CAST: variants seen among roughly 807,000 people sequenced by gnomAD.
CAST encodes MIR583 host.
A neutral mutation model predicts 119.6 loss-of-function variants in CAST; 76 were observed. The observed-to-expected ratio is 0.64, with a 90% confidence interval of 0.53 to 0.77. The LOEUF is 0.77. CAST is among the 30% of genes least tolerant of loss of function. The pLI is 0.00. For synonymous variants in CAST, 319 were observed against 331.6 expected (o/e 0.96, Z 0.41); for missense variants, 953 against 946.5 (o/e 1.01, Z -0.09).
At chr5:96,301,642 C>T in the CAST span, among the ~76,000 whole-genome samples, 51 of 152,178 alleles carry the variant, frequency 3.4e-4, no homozygotes, top group African/African-American at 1.0e-3. Context: ...AAAGGGGCTA[C>T]AGGCCCCATG....
the CAST span, among the ~76,000 whole-genome samples, chr5:96,030,226 G>A: frequency 1.3e-5 from 2 of 152,124 alleles, no homozygotes; most frequent in Non-Finnish European, 2.9e-5. Context: ...GAAACCAACA[G>A]CCTTACATAT....
the CAST span, among the ~76,000 whole-genome samples, chr5:96,350,689 T>C: frequency 1.3e-5 from 2 of 152,142 alleles, no homozygotes; most frequent in African/African-American, 4.8e-5. Flanking sequence ...CCGAGATTTA[T>C]TTTCTTTTCA....
the CAST span, chr5:96,425,685 C>A: frequency 1.5e-6 from 1 of 676,018 alleles, no homozygotes; most frequent in South Asian, 1.7e-5. Flanking sequence ...TCCCATCAGC[C>A]CTAATCTCCA....
chr5:96,753,909 C>T, intron 20 of CAST, 151 bp from the exon 21 acceptor site: 1 of 585,308 alleles, frequency 1.7e-6, no homozygotes, highest in East Asian at 2.8e-5. Flanking sequence ...GTTTTTTAAA[C>T]ATAGATTCTA....
the CAST span, among the ~76,000 whole-genome samples, chr5:96,123,630 G>T: frequency 6.6e-6 from 1 of 152,116 alleles, no homozygotes; most frequent in Non-Finnish European, 1.5e-5. Context: ...AACAGTTGCT[G>T]GTTCATTCCA....
intron 1 of CAST, among the ~76,000 whole-genome samples, chr5:96,551,024 C>G (rs1746116403): frequency 6.6e-6 from 1 of 152,168 alleles, no homozygotes; most frequent in South Asian, 2.1e-4. Flanking sequence ...CTTCCCCAAT[C>G]TAGCAAGGCA....
At chr5:96,481,344 G>A in the CAST span, among the ~76,000 whole-genome samples, 1 of 152,090 alleles carries the variant, frequency 6.6e-6, no homozygotes, top group Non-Finnish European at 1.5e-5. Flanking sequence ...TTTAAACACA[G>A]TTTTGGTATT....
intron 1 of CAST, chr5:96,585,141 T>A (rs1200323272): frequency 1.3e-5 from 2 of 152,126 alleles, no homozygotes; most frequent in African/African-American, 4.8e-5. Flanking sequence ...AAGAAACTAT[T>A]TTTTTTACTG....
chr5:96,600,808 G>C (rs1292964461), intron 1 of CAST, among the ~76,000 whole-genome samples: 2 of 152,110 alleles, frequency 1.3e-5, no homozygotes, highest in Non-Finnish European at 2.9e-5. Context: ...TAAGAGTAAA[G>C]AGCAATAAAT....
At chr5:96,687,444 T>G (rs1752209703) in intron 2 of CAST, among the ~76,000 whole-genome samples, 1 of 152,242 alleles carries the variant, frequency 6.6e-6, no homozygotes, top group South Asian at 2.1e-4. Context: ...AGTTGTTTAT[T>G]GATAAATGAA....
intron 1 of CAST, among the ~76,000 whole-genome samples, chr5:96,609,904 T>G (rs1747328592): frequency 6.6e-6 from 1 of 152,130 alleles, no homozygotes; most frequent in Admixed American, 6.5e-5. Flanking sequence ...TGGGGGACTG[T>G]GGGCATGGCA....
At chr5:96,516,998 G>A in the CAST span, among the ~76,000 whole-genome samples, 15 of 152,110 alleles carry the variant, frequency 9.9e-5, no homozygotes, top group Non-Finnish European at 2.1e-4. Flanking sequence ...CAATCATCTC[G>A]ATTTCCCCAG....
chr5:96,536,220 G>A (rs962462535), intron 1 of CAST, among the ~76,000 whole-genome samples: 2 of 151,800 alleles, frequency 1.3e-5, no homozygotes, highest in African/African-American at 4.8e-5. Context: ...TTAGCCAGGC[G>A]TGGTGAGAGA....
the CAST span, among the ~76,000 whole-genome samples, chr5:96,276,201 C>T: frequency 6.6e-6 from 1 of 152,140 alleles, no homozygotes; most frequent in Non-Finnish European, 1.5e-5. Flanking sequence ...CTCTCCTTGT[C>T]AAGCCACCAG....
intron 3 of CAST, among the ~76,000 whole-genome samples, chr5:96,699,790 T>C (rs1753676455): frequency 6.6e-6 from 1 of 152,138 alleles, no homozygotes; most frequent in Admixed American, 6.5e-5. Context: ...GTGAGGTTTT[T>C]CAAATATGTG....
chr5:96,481,601 T>A, the CAST span, among the ~76,000 whole-genome samples: 1 of 152,176 alleles, frequency 6.6e-6, no homozygotes, highest in Admixed American at 6.6e-5. Context: ...TTTAACATGA[T>A]CTCTCCCTGG....
At chr5:96,115,333 C>A in the CAST span, among the ~76,000 whole-genome samples, 1 of 152,230 alleles carries the variant, frequency 6.6e-6, no homozygotes, top group Non-Finnish European at 1.5e-5. Flanking sequence ...CAAACCCTGT[C>A]TTATCTGTCT....
At chr5:96,173,765 G>A in the CAST span, among the ~76,000 whole-genome samples, 11 of 148,512 alleles carry the variant, frequency 7.4e-5, no homozygotes, top group African/African-American at 2.5e-4. Context: ...TTTTTTGTGA[G>A]ACGGAGTCTC....
At chr5:96,727,992 T>A (rs2150430347) in intron 6 of CAST, among the ~76,000 whole-genome samples, 1 of 152,202 alleles carries the variant, frequency 6.6e-6, no homozygotes, top group East Asian at 1.9e-4. Context: ...CTTACCTCAG[T>A]TGGTGGAGCT....
Sources: gnomAD v4.1 joint callset for allele counts (sites outside exome capture counted in the v4.1 genomes callset) on GRCh38, gnomAD v4.1.1 for gene constraint, MANE v1.5 for transcripts, NCBI Gene and HGNC (gene_info 2026-07-23, HGNC 2026-07-21) for gene names.